Variants in HSCB observed in about 807,000 individuals in gnomAD.
HSCB encodes iron-sulfur cluster co-chaperone protein HscB.
HSCB carries 23 observed loss-of-function variants against 31.3 expected under a neutral mutation model. That is an observed-to-expected ratio of 0.74 (90% confidence interval 0.53 to 1.04). The LOEUF (loss-of-function observed/expected upper bound fraction) is 1.04. Ranked by LOEUF, HSCB falls within the 50% of genes least tolerant of loss-of-function variation. The probability of loss-of-function intolerance (pLI) is 0.00; values close to 1 mark genes in which losing one functional copy is unlikely to be tolerated. For missense variants in HSCB, 297 were observed against 288.1 expected (o/e 1.03, Z -0.22); for synonymous variants, 110 against 104.5 (o/e 1.05, Z -0.32).
Position 28,744,693 on chromosome 22 carries a change from G to C in HSCB, c.412G>C (p.Gly138Arg). ...YKTLLAPLSRGLYLLKLHGIE... is the reference protein window; with the variant it reads ...YKTLLAPLSRRLYLLKLHGIE... ...GACCCTCCTGGCCCCCCTGAGCAGAGGACTGTACCTTGTAAGGTGATTTCC... is the reference window on the plus strand; with the variant it reads ...GACCCTCCTGGCCCCCCTGAGCAGACGACTGTACCTTGTAAGGTGATTTCC... Residue 138 changes from glycine to arginine, a missense_variant, in exon 3 of 6, where the codon GGA becomes CGA. Gly to Arg is a moderately radical substitution (Grantham distance 125). Coordinates refer to ENST00000216027, the MANE Select transcript of HSCB (RefSeq NM_172002.5). 6 of 1,613,016 alleles carry C rather than the reference G, an allele frequency of 3.7e-6. No individual in the cohort carries two copies. The highest frequency in any genetic ancestry group is 5.1e-6 in the Non-Finnish European group (6 of 1,178,958).
chr22:28,750,387 A>G (rs1366317967), intron 4 of HSCB, among the ~76,000 whole-genome samples: 1 of 152,042 alleles, frequency 6.6e-6, no homozygotes, highest in Non-Finnish European at 1.5e-5. Context: ...CCCAGGTAAA[A>G]TTAATGTTCA....
chr22:28,754,914 G>C (rs1255068350), intron 5 of HSCB, among the ~76,000 whole-genome samples: 6 of 150,080 alleles, frequency 4.0e-5, no homozygotes, highest in Non-Finnish European at 8.9e-5. Context: ...TCCTGCCTCA[G>C]CCTCCCAAGT....
intron 4 of HSCB, 23 bp downstream of exon 4, chr22:28,746,031 A>G: frequency 1.9e-6 from 3 of 1,601,108 alleles, no homozygotes; most frequent in Non-Finnish European, 2.6e-6. Context: ...ATAGCACTGA[A>G]TGTATTTCAT....
At chr22:28,755,463 C>T (rs1237748031) in intron 5 of HSCB, among the ~76,000 whole-genome samples, 1 of 152,040 alleles carries the variant, frequency 6.6e-6, no homozygotes, top group African/African-American at 2.4e-5. Context: ...CGACCAAGGC[C>T]TTCCAAGTCC....
Position 28,745,803 on chromosome 22 carries a change from G to A in HSCB, c.424-61G>A, listed in dbSNP as rs549260098. 17 of 1,410,066 alleles carry A rather than the reference G, an allele frequency of 1.2e-5. 1 individual carries two copies. In the South Asian group the frequency reaches 2.2e-4, roughly 18 times the overall value. The allele number at this position is 1,410,066 out of a possible 1,614,324, so 87.3% of individuals were successfully genotyped here. On this transcript the variant is annotated intron_variant, in intron 3 of 5. Transcript: ENST00000216027. ...GTATTATTTCCTAATGGATGAGTAG[G>A]ATTTACATTACTCTGCCCATAGCTT...
At position 28,742,179 on chromosome 22, in the gene HSCB, CG is replaced by C. The variant is rs1339474142; in HGVS notation, c.85del (p.Asp29MetfsTer96). 5 of 1,613,864 alleles carry C rather than the reference CG, an allele frequency of 3.1e-6. No homozygotes were observed. Among genetic ancestry groups the C allele is most frequent in the Non-Finnish European group, 1.7e-6 (2 of 1,179,970 alleles). ...TTCCCAGAAGGAGACCGCTAAGCTG[CG>C]ATGCTGCGTCGCAGGCGGGAAGCAA... Reference protein sequence around the residue: ...GVPRRRPLSCDAASQAGSNYP... With the variant: ...GVPRRRPLSCXAASQAGSNYP... On this transcript the variant is annotated frameshift_variant, in exon 1 of 6. Coordinates refer to ENST00000216027, the MANE Select transcript of HSCB (RefSeq NM_172002.5). LOFTEE classifies it high-confidence loss of function.
At chr22:28,755,913 C>T (rs896225359) in intron 5 of HSCB, among the ~76,000 whole-genome samples, 1 of 152,128 alleles carries the variant, frequency 6.6e-6, no homozygotes, top group Non-Finnish European at 1.5e-5. Context: ...CCAGACATTG[C>T]CAGATGTCCC....
At chr22:28,756,375 AGCACCTG>A (rs1277960652) in intron 5 of HSCB, among the ~76,000 whole-genome samples, 1 of 151,998 alleles carries the variant, frequency 6.6e-6, no homozygotes, top group Non-Finnish European at 1.5e-5. Context: ...TCTATGCCTC[AGCACCTG>A]GCATAGAGGA....
chr22:28,749,893 G>A (rs1569186463), intron 4 of HSCB, among the ~76,000 whole-genome samples: 3 of 152,162 alleles, frequency 2.0e-5, no homozygotes, highest in East Asian at 1.9e-4. Context: ...TCATCTGTAC[G>A]TGGAGATAAT....
intron 4 of HSCB, among the ~76,000 whole-genome samples, chr22:28,750,955 T>TTTTTTTTTTTTTTTTTTTTTTTTTTTTA (rs2030198187): frequency 7.0e-6 from 1 of 143,502 alleles, no homozygotes; most frequent in East Asian, 2.2e-4. Context: ...CTTTTTTTTT[T>TTTTTTTTTTTTTTTTTTTTTTTTTTTTA]TTTTTTTTTT....
chr22:28,742,386 G>T (rs970647821), intron 1 of HSCB, 55 bp downstream of exon 1: 2 of 1,591,726 alleles, frequency 1.3e-6, no homozygotes, highest in African/African-American at 2.7e-5. Flanking sequence ...TCGAGGTCTG[G>T]CCTGCGAGAG....
chr22:28,749,220 G>A (rs767994994), intron 4 of HSCB, among the ~76,000 whole-genome samples: 13 of 151,250 alleles, frequency 8.6e-5, no homozygotes, highest in East Asian at 5.8e-4. Context: ...CCCGGATGCC[G>A]TGGCCTCTGC....
intron 3 of HSCB, chr22:28,745,136 T>A (rs894567426): frequency 6.4e-6 from 1 of 156,224 alleles, no homozygotes; most frequent in East Asian, 1.9e-4. Context: ...GAATATTACT[T>A]GCCTCAACTG....
intron 5 of HSCB, among the ~76,000 whole-genome samples, chr22:28,753,793 A>G (rs1169154552): frequency 2.0e-5 from 3 of 146,886 alleles, no homozygotes; most frequent in Non-Finnish European, 3.0e-5. Flanking sequence ...AGTGGAGACC[A>G]CCTCACTGCA....
chr22:28,744,415 A>C (rs149590080), intron 2 of HSCB, among the ~76,000 whole-genome samples, 200 bp from the exon 3 acceptor site: 2 of 152,292 alleles, frequency 1.3e-5, no homozygotes, highest in East Asian at 3.9e-4. Context: ...AGCCCAGTGC[A>C]GTGACACATG....
intron 5 of HSCB, among the ~76,000 whole-genome samples, chr22:28,753,466 T>C (rs1204890463): frequency 1.3e-5 from 2 of 150,548 alleles, no homozygotes; most frequent in Non-Finnish European, 3.0e-5. Flanking sequence ...AGACAGATGT[T>C]GCAGTGAGCT....
At position 28,753,566 on chromosome 22, in the gene HSCB, C is replaced by T. The variant is rs997089332; in HGVS notation, c.616+2278C>T. Among the ~76,000 whole-genome samples, 10 of 131,464 alleles carry T rather than the reference C, an allele frequency of 7.6e-5. No individual in the cohort carries two copies. In the East Asian group the frequency reaches 1.4e-3, roughly 19 times the overall value. The allele number at this position is 131,464 out of a possible 152,430, so 86.2% of individuals were successfully genotyped here. On this transcript the variant is annotated intron_variant, in intron 5 of 5. Transcript: ENST00000216027. ...TAGAAATTCTGACACCAGCCGGGCA[C>T]GGTGGCTCACGCCTGTAATCCCAGC...
intron 1 of HSCB, 93 bp from the exon 2 acceptor site, chr22:28,743,789 T>C (rs746081850): frequency 2.9e-6 from 3 of 1,030,392 alleles, no homozygotes; most frequent in African/African-American, 1.6e-5. Context: ...TTATATGTTA[T>C]TGCATCTTCC....
At chr22:28,744,112 C>T in intron 2 of HSCB, 134 bp downstream of exon 2, 1 of 729,488 alleles carries the variant, frequency 1.4e-6, no homozygotes, top group Non-Finnish European at 2.4e-6. Context: ...CTGACCCCAG[C>T]CTGTCAGACC....
Sources: allele counts gnomAD v4.1 joint callset (sites outside exome capture counted in the v4.1 genomes callset), GRCh38; gene constraint gnomAD v4.1.1; transcripts MANE v1.5; gene names NCBI Gene and HGNC (gene_info 2026-07-23, HGNC 2026-07-21).